Variants in RACGAP1 observed in about 807,000 individuals in gnomAD.
RACGAP1 encodes rac GTPase-activating protein 1.
RACGAP1 carries 30 observed loss-of-function variants against 78.1 expected under a neutral mutation model. The ratio of observed to expected loss-of-function variants is 0.38; its 90% CI spans 0.29 to 0.52. RACGAP1 has a LOEUF of 0.52. Among genes scored for constraint, RACGAP1 ranks in the 20% least tolerant of loss-of-function variants. The pLI is 0.82. For synonymous variants in RACGAP1, 231 were observed against 264.8 expected (o/e 0.87, Z 1.24); for missense variants, 587 against 777.1 (o/e 0.76, Z 2.91).
chr12:50,016,412 AG>A (rs916268661), intron 2 of RACGAP1, among the ~76,000 whole-genome samples: 1 of 152,150 alleles, frequency 6.6e-6, no homozygotes, highest in Non-Finnish European at 1.5e-5. Context: ...ATAATAAAAA[AG>A]CCTGGCTAAA....
intron 2 of RACGAP1, among the ~76,000 whole-genome samples, chr12:50,006,978 C>T (rs1949014297): frequency 6.6e-6 from 1 of 152,134 alleles, no homozygotes; most frequent in Non-Finnish European, 1.5e-5. Context: ...ACCTTTGGGG[C>T]AGCTGTCATG....
At chr12:50,013,831 G>C (rs145127965) in intron 2 of RACGAP1, among the ~76,000 whole-genome samples, 54 of 152,246 alleles carry the variant, frequency 3.5e-4, no homozygotes, top group African/African-American at 1.3e-3. Context: ...ACTCAAAAAT[G>C]CTAGAAGCCC....
chr12:50,025,571 G>T (rs1950245936), upstream of RACGAP1: 2 of 982,088 alleles, frequency 2.0e-6, no homozygotes, highest in African/African-American at 3.5e-5. Context: ...TCAGGGCCAC[G>T]CGGAGGTGAC....
At chr12:50,021,883 T>C (rs1950028253) in intron 1 of RACGAP1, among the ~76,000 whole-genome samples, 1 of 152,242 alleles carries the variant, frequency 6.6e-6, no homozygotes, top group Non-Finnish European at 1.5e-5. Context: ...AGGACAATTC[T>C]TTTCCTGAAA....
chr12:49,999,370 T>C, intron 8 of RACGAP1, 99 bp from the exon 9 acceptor site: 1 of 1,438,340 alleles, frequency 7.0e-7, no homozygotes, highest in Non-Finnish European at 9.4e-7. Context: ...TAATCTGTTA[T>C]CATAGCCAAA....
At chr12:50,024,994 G>A (rs1442255116) in intron 1 of RACGAP1, among the ~76,000 whole-genome samples, 2 of 151,912 alleles carry the variant, frequency 1.3e-5, no homozygotes, top group South Asian at 2.1e-4. Context: ...CCACGAAGTA[G>A]AGGGGCTCCA....
chr12:49,993,365 C>T (rs548161935), intron 12 of RACGAP1, among the ~76,000 whole-genome samples: 126 of 152,264 alleles, frequency 8.3e-4, no homozygotes, highest in African/African-American at 2.9e-3. Context: ...AAAGGAAGAA[C>T]ACTGTACACA....
intron 9 of RACGAP1, among the ~76,000 whole-genome samples, chr12:49,998,936 A>C (rs1240255402): frequency 1.3e-5 from 2 of 152,104 alleles, no homozygotes; most frequent in Non-Finnish European, 2.9e-5. Context: ...TGCTTCAGAA[A>C]AGTTGGTCTC....
chr12:49,998,902 TA>T (rs879883594), intron 9 of RACGAP1, among the ~76,000 whole-genome samples: 153 of 142,220 alleles, frequency 1.1e-3, no homozygotes, highest in Middle Eastern at 3.5e-3. Context: ...TGTCTCAAAT[TA>T]AAAAAAAAAA....
At position 49,990,443 on chromosome 12, in the gene RACGAP1, C is replaced by T. The variant is rs1484668240; in HGVS notation, c.1824-100G>A. On this transcript the variant is annotated intron_variant, in intron 16 of 16. Coordinates refer to ENST00000312377, the MANE Select transcript of RACGAP1 (RefSeq NM_001319999.2). ...ATATAACCCATTATAAGTAGGAAAC[C>T]CTAGACAACTATTTTGCAATAGTTG... is the stretch of plus-strand genomic sequence containing the variant. 2.3e-5 allele frequency: 25 copies of T among 1,081,398 alleles called. No homozygotes were observed. In the South Asian group the frequency reaches 3.3e-4, roughly 14 times the overall value. 67.0% of individuals were successfully genotyped at this position (1,081,398 alleles called of 1,614,324 possible). A position where few individuals can be genotyped will look rare whatever the true frequency, so the allele number is the denominator to read the frequency against.
upstream of RACGAP1, among the ~76,000 whole-genome samples, chr12:50,033,323 G>A (rs1950351980): frequency 6.6e-6 from 1 of 151,710 alleles, no homozygotes; most frequent in Non-Finnish European, 1.5e-5. Context: ...GCAGAGTGCG[G>A]AGGTGGGGGC....
At chr12:50,023,666 G>C (rs1483697691) in intron 1 of RACGAP1, among the ~76,000 whole-genome samples, 2 of 152,124 alleles carry the variant, frequency 1.3e-5, no homozygotes, top group African/African-American at 4.8e-5. Context: ...CCGGGAGGCA[G>C]AGTTTGCAGT....
At chr12:50,004,730 T>C (rs185649106) in intron 4 of RACGAP1, among the ~76,000 whole-genome samples, 2 of 152,330 alleles carry the variant, frequency 1.3e-5, no homozygotes, top group East Asian at 1.9e-4. Context: ...TCTTCTTAGT[T>C]ATAAAGATTC....
intron 15 of RACGAP1, among the ~76,000 whole-genome samples, chr12:49,991,457 T>TATATATATATATATATATATATATATA (rs1555169076): frequency 3.6e-5 from 1 of 27,402 alleles, no homozygotes; most frequent in Non-Finnish European, 8.7e-5. Flanking sequence ...ATTTAAACTA[T>TATATATATATATATATATATATATATA]TATATATATA....
intron 1 of RACGAP1, chr12:50,016,953 A>C (rs1949718091): frequency 4.7e-6 from 6 of 1,276,258 alleles, no homozygotes; most frequent in Non-Finnish European, 4.9e-6. Flanking sequence ...TGAATATAAC[A>C]GCCCCTCCAA....
Position 50,006,528 on chromosome 12 carries a change from C to G in RACGAP1, c.194G>C (p.Arg65Pro). 2.5e-6 allele frequency: 4 copies of G among 1,614,210 alleles called. No individual in the cohort carries two copies. Among genetic ancestry groups the G allele is most frequent in the Non-Finnish European group, 3.4e-6 (4 of 1,180,028 alleles). Residue 65 changes from arginine (R) to proline (P), a missense_variant, in exon 3 of 17, where the codon CGA (arginine) becomes CCA (proline). By Grantham distance (103) the Arg-to-Pro change is moderately radical. Transcript: ENST00000312377. ...CTTCAGCTTAACATCCAGAGCACTT[C>G]GCTCAGTCTCTGCTTTCATCAAAAG... ...KDLLMKAETE[R>P]SALDVKLKHA... is the part of the protein sequence containing the mutation.
At chr12:50,029,948 A>T (rs576688575), upstream of RACGAP1, among the ~76,000 whole-genome samples, 23 of 152,258 alleles carry the variant, frequency 1.5e-4, no homozygotes, top group African/African-American at 5.3e-4. Context: ...AATGATGACT[A>T]TGTGAAGTGA....
intron 1 of RACGAP1, among the ~76,000 whole-genome samples, chr12:50,020,657 T>C (rs1949959614): frequency 1.3e-5 from 2 of 152,148 alleles, no homozygotes; most frequent in African/African-American, 4.8e-5. Flanking sequence ...TTAGACCATA[T>C]ATGTTGCAGA....
At chr12:49,999,859 T>C in intron 7 of RACGAP1, 126 bp from the exon 8 acceptor site, 1 of 603,512 alleles carries the variant, frequency 1.7e-6, no homozygotes. Flanking sequence ...AGTCTGATAC[T>C]TTTTTTTTGA....
Sources: allele counts gnomAD v4.1 joint callset (sites outside exome capture counted in the v4.1 genomes callset), GRCh38; gene constraint gnomAD v4.1.1; transcripts MANE v1.5; gene names NCBI Gene and HGNC (gene_info 2026-07-23, HGNC 2026-07-21).